Variants in PCM1 observed in about 807,000 individuals in gnomAD.
The protein encoded by PCM1 is pericentriolar material 1 protein.
In PCM1, 157 loss-of-function variants were observed where a neutral mutation model predicts 241.9. That is an observed-to-expected ratio of 0.65 (90% CI 0.57 to 0.74). The LOEUF is 0.74. Among genes scored for constraint, PCM1 ranks in the 30% least tolerant of loss-of-function variants. The pLI, the probability that PCM1 is intolerant of heterozygous loss-of-function variation, is 0.00. For missense variants in PCM1, 3,478 were observed against 2,360.1 expected (o/e 1.47, Z -9.81); for synonymous variants, 1,085 against 784.9 (o/e 1.38, Z -6.39).
intron 15 of PCM1, among the ~76,000 whole-genome samples, chr8:17,960,761 T>C (rs1172236391): frequency 6.6e-6 from 1 of 152,048 alleles, no homozygotes; most frequent in Admixed American, 6.6e-5. Flanking sequence ...CCTGACCTCG[T>C]GATTCGCCCG....
In PCM1 at chr8:17,956,596, T is replaced by A. The variant is rs1257806694; in HGVS notation, c.1473-8T>A. The A allele has an allele frequency of 1.3e-6, 2 of 1,551,174 alleles. No homozygotes were observed. The highest frequency in any genetic ancestry group is 8.8e-7 in the Non-Finnish European group (1 of 1,139,272). Reference sequence around the variant, plus strand: ...GTAAATCGTATACATAAATTTTTTGTTTATCAGGAAGTTAAATGAAGTTCG... The same window carrying A: ...GTAAATCGTATACATAAATTTTTTGATTATCAGGAAGTTAAATGAAGTTCG... On this transcript the variant is annotated splice_polypyrimidine_tract_variant and splice_region_variant and intron_variant, in intron 10 of 38. Coordinates refer to ENST00000325083, the MANE Select transcript of PCM1 (RefSeq NM_006197.4).
intron 36 of PCM1, 29 bp downstream of exon 36, chr8:18,014,869 T>G (rs765660080): frequency 5.0e-5 from 77 of 1,532,158 alleles, no homozygotes; most frequent in Non-Finnish European, 6.3e-5. Flanking sequence ...TCCAAATATT[T>G]TTACTTTTCA....
chr8:17,926,703 T>G (rs1465578922), intron 2 of PCM1: 1 of 152,060 alleles, frequency 6.6e-6, no homozygotes, highest in East Asian at 1.9e-4. Flanking sequence ...AATGACTTAG[T>G]TGGGTTTGGG....
chr8:17,945,342 A>G (rs1008881763), intron 6 of PCM1, among the ~76,000 whole-genome samples: 2 of 152,150 alleles, frequency 1.3e-5, no homozygotes, highest in Admixed American at 6.5e-5. Flanking sequence ...TAAAAGTTTC[A>G]GTTTATTAGA....
chr8:17,923,766 C>T (rs1384605604), intron 1 of PCM1, among the ~76,000 whole-genome samples: 1 of 152,070 alleles, frequency 6.6e-6, no homozygotes, highest in African/African-American at 2.4e-5. Context: ...GGGAGGCGTT[C>T]CTGGGAAGGT....
intron 36 of PCM1, among the ~76,000 whole-genome samples, chr8:18,023,867 A>G (rs1426987959): frequency 4.6e-5 from 7 of 152,224 alleles, no homozygotes; most frequent in Admixed American, 1.3e-4. Context: ...CTGAATCCCA[A>G]CATAACTTTT....
At chr8:17,928,282 G>A (rs1185073306) in intron 2 of PCM1, among the ~76,000 whole-genome samples, 2 of 152,246 alleles carry the variant, frequency 1.3e-5, no homozygotes, top group Middle Eastern at 3.4e-3. Context: ...ATAGTCTCTC[G>A]TTTCCCTGAG....
chr8:17,974,665 C>G (rs1234860012), intron 23 of PCM1, among the ~76,000 whole-genome samples: 6 of 152,060 alleles, frequency 3.9e-5, no homozygotes, highest in Non-Finnish European at 8.8e-5. Flanking sequence ...TTTCTGAAAC[C>G]CCTTTATTCT....
chr8:17,964,541 A>G, intron 17 of PCM1, 27 bp from the exon 18 acceptor site: 3 of 1,570,382 alleles, frequency 1.9e-6, no homozygotes, highest in Admixed American at 1.8e-5. Context: ...CCAGAATGAC[A>G]TCTGTTTTAT....
chr8:17,968,184 C>G (rs1564024056), intron 21 of PCM1, among the ~76,000 whole-genome samples: 1 of 152,040 alleles, frequency 6.6e-6, no homozygotes, highest in Non-Finnish European at 1.5e-5. Context: ...GTACATCACT[C>G]AGGGAATTTA....
chr8:18,019,751 C>T (rs1007093628), intron 36 of PCM1, among the ~76,000 whole-genome samples: 10 of 152,136 alleles, frequency 6.6e-5, no homozygotes, highest in East Asian at 1.9e-4. Context: ...AAGCTTGGCT[C>T]GCTGGCTCCC....
intron 2 of PCM1, chr8:17,927,807 C>T (rs149625147): frequency 1.3e-5 from 2 of 151,400 alleles, no homozygotes; most frequent in East Asian, 3.9e-4. Flanking sequence ...CCTCAGCTTC[C>T]CTAAGTCCTG....
At chr8:17,980,503 T>TA in intron 23 of PCM1, 88 bp from the exon 24 acceptor site, 1 of 1,029,300 alleles carries the variant, frequency 9.7e-7, no homozygotes, top group Non-Finnish European at 1.4e-6. Flanking sequence ...TAAATTGAGT[T>TA]ACCTGTACTG....
At chr8:18,026,463 A>G (rs994741771) in intron 38 of PCM1, among the ~76,000 whole-genome samples, 1 of 151,212 alleles carries the variant, frequency 6.6e-6, no homozygotes, top group African/African-American at 2.4e-5. Flanking sequence ...GGTTTCACCA[A>G]GTTACTCAGA....
At chr8:17,959,027 C>G (rs1322046016) in intron 13 of PCM1, among the ~76,000 whole-genome samples, 1 of 152,092 alleles carries the variant, frequency 6.6e-6, no homozygotes, top group East Asian at 1.9e-4. Flanking sequence ...TACTAATAAA[C>G]TCTGTCTTTA....
intron 36 of PCM1, among the ~76,000 whole-genome samples, chr8:18,018,253 G>T (rs1465323973): frequency 2.0e-5 from 3 of 152,182 alleles, no homozygotes; most frequent in Non-Finnish European, 4.4e-5. Flanking sequence ...AACCTGAACT[G>T]CTCTGTTTCC....
intron 31 of PCM1, 67 bp from the exon 32 acceptor site, chr8:18,010,537 TGAGAC>T: frequency 8.8e-7 from 1 of 1,132,454 alleles, no homozygotes; most frequent in Non-Finnish European, 1.3e-6. Flanking sequence ...TTTGGGAGGC[TGAGAC>T]ATGAGAAATG....
At chr8:17,959,627 T>A (rs1024358477) in intron 13 of PCM1, among the ~76,000 whole-genome samples, 1 of 152,112 alleles carries the variant, frequency 6.6e-6, no homozygotes, top group African/African-American at 2.4e-5. Context: ...TATTTCTATA[T>A]GTATAGAATT....
intron 4 of PCM1, among the ~76,000 whole-genome samples, chr8:17,937,822 A>T (rs2060844924): frequency 6.6e-6 from 1 of 152,196 alleles, no homozygotes; most frequent in Non-Finnish European, 1.5e-5. Context: ...AGTAGAAATG[A>T]TAATAAATTC....
Sources: allele counts gnomAD v4.1 joint callset (sites outside exome capture counted in the v4.1 genomes callset), GRCh38; gene constraint gnomAD v4.1.1; transcripts MANE v1.5; gene names NCBI Gene and HGNC (gene_info 2026-07-23, HGNC 2026-07-21).